MCF2L: variants seen among roughly 807,000 people sequenced by gnomAD.
MCF2L encodes the protein MCF.2 cell line derived transforming sequence like, also known as guanine nucleotide exchange factor DBS.
Under a neutral mutation model 153.4 loss-of-function variants are expected in MCF2L, and 97 were observed. That is an observed-to-expected ratio of 0.63 (90% CI 0.54 to 0.75). The LOEUF is 0.75. MCF2L is among the 30% of genes least tolerant of loss of function. The probability of loss-of-function intolerance (pLI) is 0.00; values close to 1 mark genes in which losing one functional copy is unlikely to be tolerated. For synonymous variants in MCF2L, 659 were observed against 632.2 expected (o/e 1.04, Z -0.64); for missense variants, 1,347 against 1,495.2 (o/e 0.90, Z 1.64).
chr13:112,973,373 G>A (rs2082116220), intron 1 of MCF2L, among the ~76,000 whole-genome samples: 1 of 152,212 alleles, frequency 6.6e-6, no homozygotes. Flanking sequence ...AGATAGGTGT[G>A]ACTATAAAGT....
chr13:112,906,599 T>C lies in MCF2L; in HGVS notation c.169+4228T>C, dbSNP rs563560621. On this transcript the variant is annotated intron_variant, in intron 2 of 29. Coordinates refer to the MCF2L transcript ENST00000375608. The stretch of plus-strand genomic sequence containing the variant: ...ACACCAGTGCCCGCTCTGCCGTGAG[T>C]GCGTGGTCTTGCTTTTCAGTGGTGC... Among the ~76,000 whole-genome samples the C allele has an allele frequency of 3.3e-5, 5 of 152,318 alleles. No individual in the cohort carries two copies. The South Asian group carries it at 6.2e-4, about 19-fold the overall frequency.
At chr13:113,049,313 C>G (rs1483174996) in intron 4 of MCF2L, among the ~76,000 whole-genome samples, 2 of 117,114 alleles carry the variant, frequency 1.7e-5, no homozygotes, top group Admixed American at 2.5e-4. Flanking sequence ...CTGGGCAGAC[C>G]AGGAGGGGTG....
At chr13:113,051,283 TCTGGGGGCGGC>T (rs1459145169) in intron 4 of MCF2L, among the ~76,000 whole-genome samples, 2 of 88,326 alleles carry the variant, frequency 2.3e-5, no homozygotes, top group South Asian at 3.5e-4. Context: ...GTGGGGCGGC[TCTGGGGGCGGC>T]CTGGGCCTTT....
chr13:112,898,913 A>C (rs1046202771), intron 1 of MCF2L, among the ~76,000 whole-genome samples: 1 of 151,844 alleles, frequency 6.6e-6, no homozygotes, highest in African/African-American at 2.4e-5. Flanking sequence ...CAGGCCCTGC[A>C]CCCACCACCA....
rs79074918 is a variant in MCF2L at position 112,925,496 on chromosome 13, G to A, written c.169+23125G>A. On this transcript the variant is annotated intron_variant, in intron 2 of 29. Transcript: ENST00000375608. The stretch of plus-strand genomic sequence containing the variant: ...ACCTCTAGGAGCCTTAAGAGAAAAC[G>A]GGTTAAATAAAGGGCATCATATTCA... Among the ~76,000 whole-genome samples the A allele has an allele frequency of 1.2e-3, 190 of 152,228 alleles. 1 individual carries two copies. The highest frequency in any genetic ancestry group is 6.2e-3 in the Admixed American group (95 of 15,284).
At chr13:113,072,159 A>G (rs544901983) in intron 9 of MCF2L, among the ~76,000 whole-genome samples, 33 of 152,334 alleles carry the variant, frequency 2.2e-4, no homozygotes, top group African/African-American at 7.7e-4. Flanking sequence ...GCACATAGAA[A>G]CACAATTGAT....
chr13:112,911,081 G>T (rs2081226685), intron 2 of MCF2L, among the ~76,000 whole-genome samples: 1 of 152,222 alleles, frequency 6.6e-6, no homozygotes, highest in African/African-American at 2.4e-5. Context: ...GTCAGCTGGT[G>T]CATGCATGGT....
At chr13:112,979,335 C>T in intron 1 of MCF2L, 1 of 1,247,112 alleles carries the variant, frequency 8.0e-7, no homozygotes, top group South Asian at 2.0e-5. Flanking sequence ...AGCAGGCAGG[C>T]CCAGCGGCTG....
chr13:112,998,494 A>T (rs2083229951), intron 1 of MCF2L, among the ~76,000 whole-genome samples: 1 of 152,134 alleles, frequency 6.6e-6, no homozygotes, highest in Non-Finnish European at 1.5e-5. Flanking sequence ...TTATTCATGG[A>T]GCTGACTGGG....
At chr13:113,013,135 T>C (rs146044313) in intron 1 of MCF2L, among the ~76,000 whole-genome samples, 13 of 152,158 alleles carry the variant, frequency 8.5e-5, no homozygotes, top group Admixed American at 5.2e-4. Flanking sequence ...CTGCGCAGTC[T>C]AGGCTGCCGT....
intron 12 of MCF2L, among the ~76,000 whole-genome samples, chr13:113,076,565 C>T (rs1000163425): frequency 6.6e-6 from 1 of 152,316 alleles, no homozygotes; most frequent in African/African-American, 2.4e-5. Context: ...GCACCTGGCC[C>T]ATTTAATGAA....
intron 2 of MCF2L, among the ~76,000 whole-genome samples, chr13:112,952,596 T>G (rs2081706843): frequency 6.6e-6 from 1 of 152,202 alleles, no homozygotes; most frequent in African/African-American, 2.4e-5. Flanking sequence ...CAATAGTTTG[T>G]GGATTGTTTG....
In MCF2L at chr13:113,074,910, G is replaced by GC. The variant is rs930083693; in HGVS notation, c.1117-84dup. On this transcript the variant is annotated intron_variant, in intron 10 of 29. Coordinates refer to ENST00000535094, the MANE Select transcript of MCF2L (RefSeq NM_001112732.3). This position sits in a 1 kb window ranked among gnomAD's most constrained non-coding sequence, Gnocchi z 4.2. The stretch of plus-strand genomic sequence containing the variant: ...AACAAAGAAATCAAGACACACGTGT[G>GC]CCCCGGGACACACATCCCGTACAGC... The GC allele has an allele frequency of 3.4e-6, 4 of 1,183,128 alleles. No individual in the cohort carries two copies. In the African/African-American group the frequency reaches 6.1e-5, roughly 18 times the overall value. 73.3% of individuals were successfully genotyped at this position (1,183,128 alleles called of 1,614,324 possible). A position where few individuals can be genotyped will look rare whatever the true frequency, so the allele number is the denominator to read the frequency against.
rs2032850694 is a variant in MCF2L at position 113,070,908 on chromosome 13, T to G, written c.996+735T>G. ...GTTACAAACATTGATATACTGATGT[T>G]GGTGTAAATGTAAGTTTTCATTTCT... On this transcript the variant is annotated intron_variant, in intron 9 of 29. Transcript: ENST00000535094. The surrounding 1 kb of genome is among the most constrained non-coding windows in gnomAD (Gnocchi z 5.6). Among the ~76,000 whole-genome samples the G allele has an allele frequency of 6.6e-6, 1 of 152,246 alleles. No individual in the cohort carries two copies. Among genetic ancestry groups the G allele is most frequent in the South Asian group, 2.1e-4 (1 of 4,836 alleles).
At chr13:112,925,542 G>A (rs141338793) in intron 2 of MCF2L, among the ~76,000 whole-genome samples, 1 of 152,292 alleles carries the variant, frequency 6.6e-6, no homozygotes, top group East Asian at 1.9e-4. Context: ...AGCTACACGA[G>A]AAGAAATAAA....
chr13:113,022,967 G>C (rs1281411280), intron 2 of MCF2L, among the ~76,000 whole-genome samples: 1 of 152,254 alleles, frequency 6.6e-6, no homozygotes, highest in East Asian at 1.9e-4. Flanking sequence ...TGTGCCACCA[G>C]AGACGGGGGC....
intron 2 of MCF2L, chr13:112,956,664 G>A (rs1358593097): frequency 3.3e-5 from 5 of 152,292 alleles, no homozygotes; most frequent in African/African-American, 9.6e-5. Flanking sequence ...GACCTGTGTG[G>A]AGCAGCTGCT....
At chr13:112,923,865 G>A (rs2081377891) in intron 2 of MCF2L, among the ~76,000 whole-genome samples, 1 of 152,160 alleles carries the variant, frequency 6.6e-6, no homozygotes, top group Non-Finnish European at 1.5e-5. Flanking sequence ...CTCTGGAGCA[G>A]CCCCTTAGTA....
At chr13:113,012,350 G>T (rs1199214411) in intron 1 of MCF2L, among the ~76,000 whole-genome samples, 14 of 98,420 alleles carry the variant, frequency 1.4e-4, no homozygotes, top group South Asian at 1.1e-3. Context: ...CAGTGTGGAC[G>T]GTGGACACTG....
Sources: gnomAD v4.1 joint callset for allele counts (sites outside exome capture counted in the v4.1 genomes callset) on GRCh38, gnomAD v4.1.1 for gene constraint, Gnocchi (gnomAD v3.1) non-coding constraint, MANE v1.5 for transcripts, NCBI Gene and HGNC (gene_info 2026-07-23, HGNC 2026-07-21) for gene names.